Variants in EIF3A observed in about 807,000 individuals in gnomAD.
EIF3A encodes EIF3, p180 subunit.
Under a neutral mutation model 186.6 loss-of-function variants are expected in EIF3A, and 21 were observed. That is an observed-to-expected ratio of 0.11 (90% CI 0.08 to 0.16). The LOEUF is 0.16. Among genes scored for constraint, EIF3A ranks in the 10% least tolerant of loss-of-function variants. The probability of loss-of-function intolerance (pLI) is 1.00; values close to 1 mark genes in which losing one functional copy is unlikely to be tolerated. For synonymous variants in EIF3A, 563 were observed against 584.3 expected (o/e 0.96, Z 0.52); for missense variants, 1,306 against 1,796.3 (o/e 0.73, Z 4.93).
rs1848346424 is a variant in EIF3A at position 119,050,783 on chromosome 10, C to CGAAA, written c.2320-113_2320-110dup. The CGAAA allele has an allele frequency of 2.6e-6, 3 of 1,175,550 alleles. No individual in the cohort carries two copies. The East Asian group carries it at 7.2e-5, about 28-fold the overall frequency. 72.8% of individuals were successfully genotyped at this position (1,175,550 alleles called of 1,614,324 possible). A position where few individuals can be genotyped will look rare whatever the true frequency, so the allele number is the denominator to read the frequency against. Reference sequence around the variant, plus strand: ...AGACTCTCAAGTGTATCAGAATCATCGAAAGCAACCTCTCAGCACAAAAAC... The same window carrying CGAAA: ...AGACTCTCAAGTGTATCAGAATCATCGAAAGAAAGCAACCTCTCAGCACAAAAAC... On this transcript the variant is annotated intron_variant, in intron 15 of 21. Transcript: ENST00000369144.
chr10:119,051,086 G>T, intron 15 of EIF3A, 113 bp downstream of exon 15: 2 of 866,670 alleles, frequency 2.3e-6, no homozygotes, highest in South Asian at 2.4e-5. Context: ...TTATTTGAAT[G>T]ACCGTTACAC....
intron 1 of EIF3A, among the ~76,000 whole-genome samples, chr10:119,078,196 G>A (rs1281422718): frequency 6.6e-6 from 1 of 152,014 alleles, no homozygotes; most frequent in Non-Finnish European, 1.5e-5. Context: ...CTATAATAAG[G>A]TCAGCAGCAG....
At chr10:119,060,009 AT>A (rs746974662) in intron 9 of EIF3A, 1 of 515,246 alleles carries the variant, frequency 1.9e-6, no homozygotes, top group Admixed American at 2.5e-5. Flanking sequence ...TTCTTATAGA[AT>A]TTTTGTCTGA....
chr10:119,049,974 T>C lies in EIF3A; in HGVS notation c.2485A>G (p.Arg829Gly). 6.2e-7 allele frequency: 1 copy of C among 1,614,050 alleles called. No homozygotes were observed. The highest frequency in any genetic ancestry group is 8.5e-7 in the Non-Finnish European group (1 of 1,180,008). The change falls in exon 17 of 22, where the codon AGA (arginine) becomes GGA (glycine). Residue 829 changes from arginine to glycine, a missense_variant. Arg to Gly is a moderately radical substitution (Grantham distance 125). Coordinates refer to ENST00000369144, the MANE Select transcript of EIF3A (RefSeq NM_003750.4). ...EEQMLKEREE[R>G]ERAERAKREE... The stretch of plus-strand genomic sequence containing the variant: ...CGTTTTGCTCGTTCGGCGCGCTCTC[T>C]CTCTTCCCGCTCTAGACCATTGATT...
At chr10:119,079,748 C>G (rs1449268527) in intron 1 of EIF3A, among the ~76,000 whole-genome samples, 1 of 152,086 alleles carries the variant, frequency 6.6e-6, no homozygotes, top group Non-Finnish European at 1.5e-5. Context: ...ATAGAAATCG[C>G]AGACAGCAGC....
intron 1 of EIF3A, among the ~76,000 whole-genome samples, chr10:119,078,582 C>A (rs1844211753): frequency 6.6e-6 from 1 of 151,978 alleles, no homozygotes; most frequent in African/African-American, 2.4e-5. Context: ...AGAAGGGATC[C>A]CTCACAATCC....
intron 19 of EIF3A, among the ~76,000 whole-genome samples, chr10:119,041,358 G>A (rs1848206738): frequency 6.6e-6 from 1 of 152,058 alleles, no homozygotes; most frequent in African/African-American, 2.4e-5. Context: ...GGATAACTTG[G>A]GCCCAGGAGT....
intron 17 of EIF3A, among the ~76,000 whole-genome samples, chr10:119,049,371 C>CG (rs1485338581): frequency 6.7e-6 from 1 of 148,920 alleles, no homozygotes; most frequent in African/African-American, 2.5e-5. Context: ...GCCTATAATT[C>CG]CAACTACTTG....
intron 1 of EIF3A, among the ~76,000 whole-genome samples, chr10:119,076,408 A>G (rs1357796196): frequency 6.6e-6 from 1 of 151,604 alleles, no homozygotes; most frequent in Non-Finnish European, 1.5e-5. Context: ...ATGAAATCAC[A>G]TTTTTCACAT....
intron 17 of EIF3A, among the ~76,000 whole-genome samples, chr10:119,044,720 C>T (rs891386700): frequency 5.3e-5 from 8 of 151,928 alleles, no homozygotes; most frequent in Non-Finnish European, 7.4e-5. Context: ...TGGTGGCAGG[C>T]GCCTGTAGTC....
At position 119,042,696 on chromosome 10, in the gene EIF3A, C is replaced by T. The variant is rs142152144; in HGVS notation, c.2824G>A (p.Asp942Asn). The T allele has an allele frequency of 2.5e-6, 4 of 1,614,086 alleles. No homozygotes were observed. The South Asian group carries it at 3.3e-5, about 13-fold the overall frequency. The change falls in exon 19 of 22, where the codon GAT becomes AAT. Residue 942 changes from aspartate (D) to asparagine (N), a missense_variant. Physicochemically the swap from Asp to Asn is conservative, Grantham distance 23 (BLOSUM62 1). Transcript: ENST00000369144. This position sits in a 1 kb window ranked among gnomAD's most constrained non-coding sequence, Gnocchi z 7.8. ...RDEERPRRLG[D>N]DEDREPSLRP... ...AGAGAGGGCTCTCTATCTTCATCATCCCCCAGACGCCGGGGCCGCTCTTCA... is the reference window on the plus strand; with the variant it reads ...AGAGAGGGCTCTCTATCTTCATCATTCCCCAGACGCCGGGGCCGCTCTTCA...
intron 17 of EIF3A, among the ~76,000 whole-genome samples, chr10:119,049,182 G>A (rs986713831): frequency 3.9e-5 from 6 of 152,184 alleles, no homozygotes; most frequent in Admixed American, 2.6e-4. Flanking sequence ...AAAATGGGCT[G>A]GGTGCGGTGG....
chr10:119,042,128 C>A lies in EIF3A; in HGVS notation c.3392G>T (p.Arg1131Leu). Residue 1131 changes from arginine (R) to leucine (L), a missense_variant, in exon 19 of 22, where the codon CGT becomes CTT. Physicochemically the swap from Arg to Leu is moderately radical, Grantham distance 102 (BLOSUM62 -2). Around this residue, in one of 8 missense-constraint regions of EIF3A, gnomAD observed 331 missense variants for 365.8 expected, o/e 0.90. Coordinates refer to ENST00000369144, the MANE Select transcript of EIF3A (RefSeq NM_003750.4). This position sits in a 1 kb window ranked among gnomAD's most constrained non-coding sequence, Gnocchi z 7.8. Reference protein sequence around the residue: ...RNADDDRIPRRGAEDDRGPWR... With the variant: ...RNADDDRIPRLGAEDDRGPWR... ...AGGGCCCCTGTCATCCTCTGCACCA[C>A]GCCTGGGAATTCTGTCATCATCGGC... 1 of 1,614,204 alleles carries A rather than the reference C, an allele frequency of 6.2e-7. No individual in the cohort carries two copies. The highest frequency in any genetic ancestry group is 8.5e-7 in the Non-Finnish European group (1 of 1,180,038).
intron 17 of EIF3A, among the ~76,000 whole-genome samples, chr10:119,049,464 AGCC>A (rs2119818565): frequency 7.1e-6 from 1 of 141,676 alleles, no homozygotes; most frequent in Non-Finnish European, 1.5e-5. Flanking sequence ...ACTGCACTCC[AGCC>A]TGGGCAATGA....
intron 7 of EIF3A, 50 bp from the exon 8 acceptor site, chr10:119,061,378 T>A: frequency 1.2e-6 from 1 of 858,880 alleles, no homozygotes; most frequent in Non-Finnish European, 1.9e-6. Flanking sequence ...ATTTTCCAAC[T>A]AAAATTCTGA....
rs1843789823 is a variant in EIF3A, at chr10:119,056,793, C to T, written c.2143G>A (p.Glu715Lys). 4 of 1,613,768 alleles carry T rather than the reference C, an allele frequency of 2.5e-6. No individual in the cohort carries two copies. Among genetic ancestry groups the T allele is most frequent in the Middle Eastern group, 3.3e-4 (2 of 6,058 alleles). The stretch of plus-strand genomic sequence containing the variant: ...TCCATGTCTTTAATTCTCTGTTCCT[C>T]GTAAGCGCTCTTTATCAAAGGAATT... ...EEIPLIKSAY[E>K]EQRIKDMDLW... The change falls in exon 14 of 22, where the codon GAG (glutamate) becomes AAG (lysine). Residue 715 changes from glutamate (E) to lysine (K), a missense_variant. Physicochemically the swap from Glu to Lys is moderately conservative, Grantham distance 56 (BLOSUM62 1). Transcript: ENST00000369144.
intron 1 of EIF3A, among the ~76,000 whole-genome samples, chr10:119,077,087 T>C (rs934430989): frequency 6.6e-6 from 1 of 152,156 alleles, no homozygotes; most frequent in African/African-American, 2.4e-5. Context: ...TAAAATGACC[T>C]ATTGTATCCA....
intron 19 of EIF3A, among the ~76,000 whole-genome samples, chr10:119,040,637 G>A (rs1362704712): frequency 2.6e-5 from 4 of 152,148 alleles, no homozygotes; most frequent in South Asian, 2.1e-4. Flanking sequence ...TTGGGAGGCC[G>A]AGGTGGGTGG....
At chr10:119,058,547 C>T (rs867123599) in intron 11 of EIF3A, among the ~76,000 whole-genome samples, 5 of 152,322 alleles carry the variant, frequency 3.3e-5, no homozygotes, top group Middle Eastern at 3.4e-3. Context: ...CTTTTCTCTG[C>T]ACCAAACCTA....
Sources: allele counts gnomAD v4.1 joint callset (sites outside exome capture counted in the v4.1 genomes callset), GRCh38; gene constraint gnomAD v4.1.1; regional missense constraint gnomAD v4.1.1; non-coding constraint Gnocchi (gnomAD v3.1); transcripts MANE v1.5; gene names NCBI Gene and HGNC (gene_info 2026-07-23, HGNC 2026-07-21).